The following NCMAP variants were observed in gnomAD, a reference collection of about 807,000 sequenced individuals.
NCMAP encodes the protein noncompact myelin-associated protein.
In NCMAP, 8 loss-of-function variants were observed where a neutral mutation model predicts 7.8. That is an observed-to-expected ratio of 1.02 (90% confidence interval 0.60 to 1.84). The LOEUF (loss-of-function observed/expected upper bound fraction) is 1.84. Ranked by LOEUF, NCMAP falls within the 40% of genes most tolerant of loss-of-function variation. NCMAP has a pLI of 0.00. For missense variants in NCMAP, 112 were observed against 131.4 expected, an observed-to-expected ratio of 0.85 and a Z score of 0.72; for synonymous variants, 41 against 52.9, an observed-to-expected ratio of 0.78 and a Z score of 0.98.
chr1:24,557,366 C>T (rs1258896950), intron 1 of NCMAP, among the ~76,000 whole-genome samples: 8 of 152,004 alleles, frequency 5.3e-5, no homozygotes, highest in Non-Finnish European at 1.2e-4. Flanking sequence ...ATAGGCACCC[C>T]CTCTTATGGT....
Position 24,576,662 on chromosome 1 carries a change from G to T in NCMAP, c.-7-18762G>T, listed in dbSNP as rs12081386. On this transcript the variant is annotated intron_variant, in intron 1 of 3. Transcript: ENST00000374392. This position sits in a 1 kb window ranked among gnomAD's most constrained non-coding sequence, Gnocchi z 4.0. ...GCAGTCCAGACAGAACAAGTGGCCT[G>T]CCCCAGGTCACACAGAAAGTAAGTA... is the stretch of plus-strand genomic sequence containing the variant. Among the ~76,000 whole-genome samples, 1,240 of 152,252 alleles carry T rather than the reference G, an allele frequency of 8.1e-3. 15 individuals carry two copies. Among genetic ancestry groups the T allele is most frequent in the African/African-American group, 0.028 (1,164 of 41,546 alleles).
chr1:24,592,173 G>A (rs2148934549), intron 1 of NCMAP, among the ~76,000 whole-genome samples: 1 of 152,360 alleles, frequency 6.6e-6, no homozygotes, highest in Non-Finnish European at 1.5e-5. Context: ...GGTGGTGTGA[G>A]TAGCTGAGAC....
At chr1:24,561,754 T>TA (rs1447512623) in intron 1 of NCMAP, among the ~76,000 whole-genome samples, 1 of 151,918 alleles carries the variant, frequency 6.6e-6, no homozygotes, top group Admixed American at 6.5e-5. Flanking sequence ...CTACTTAAAA[T>TA]AAAAAATTAG....
At chr1:24,578,580 T>TTTA (rs1651659223) in intron 1 of NCMAP, among the ~76,000 whole-genome samples, 1 of 122,126 alleles carries the variant, frequency 8.2e-6, no homozygotes, top group African/African-American at 3.4e-5. Flanking sequence ...TTTTTTTTTT[T>TTTA]GAGACGGTTT....
intron 1 of NCMAP, among the ~76,000 whole-genome samples, chr1:24,572,308 C>G (rs1651413997): frequency 6.6e-6 from 1 of 150,620 alleles, no homozygotes; most frequent in Non-Finnish European, 1.5e-5. Flanking sequence ...GCTCCGTATC[C>G]CCAAGAAGGA....
At chr1:24,591,052 A>G (rs9729036) in intron 1 of NCMAP, among the ~76,000 whole-genome samples, 77,823 of 152,090 alleles carry the variant, frequency 0.51, 21,580 homozygotes, top group African/African-American at 0.74. Flanking sequence ...AGACCCAGAC[A>G]CTTTATCTGA....
chr1:24,582,817 T>TCTA (rs1651781446), intron 1 of NCMAP, among the ~76,000 whole-genome samples: 1 of 152,174 alleles, frequency 6.6e-6, no homozygotes, highest in East Asian at 1.9e-4. Context: ...AACGTATAGA[T>TCTA]CCTAGCTTTG....
At chr1:24,568,245 C>A (rs778696205) in intron 1 of NCMAP, among the ~76,000 whole-genome samples, 3 of 152,202 alleles carry the variant, frequency 2.0e-5, no homozygotes, top group Admixed American at 2.0e-4. Flanking sequence ...GAGGCCCGCA[C>A]GGGGCACCTC....
intron 2 of NCMAP, among the ~76,000 whole-genome samples, chr1:24,596,597 G>T (rs1652237733): frequency 1.3e-5 from 2 of 151,752 alleles, no homozygotes; most frequent in South Asian, 4.2e-4. Context: ...GAGGCAGGAG[G>T]ATCGCTTGAG....
intron 1 of NCMAP, among the ~76,000 whole-genome samples, chr1:24,577,805 G>A (rs910019803): frequency 5.3e-5 from 8 of 152,036 alleles, no homozygotes; most frequent in African/African-American, 1.2e-4. Context: ...AGTGCCTTAC[G>A]ACAGCAGGGT....
intron 1 of NCMAP, among the ~76,000 whole-genome samples, chr1:24,556,953 G>A (rs944771906): frequency 6.6e-6 from 1 of 152,120 alleles, no homozygotes; most frequent in Non-Finnish European, 1.5e-5. Flanking sequence ...CAACAGTCTC[G>A]GGCAAGTCCA....
At chr1:24,582,950 G>T (rs1651784424) in intron 1 of NCMAP, among the ~76,000 whole-genome samples, 1 of 152,188 alleles carries the variant, frequency 6.6e-6, no homozygotes, top group South Asian at 2.1e-4. Flanking sequence ...ATGGTAACTG[G>T]CACGTAAAAG....
chr1:24,597,591 AAAG>A (rs1652279208), intron 2 of NCMAP, among the ~76,000 whole-genome samples: 2 of 120,678 alleles, frequency 1.7e-5, no homozygotes, highest in Non-Finnish European at 3.3e-5. Flanking sequence ...AAAAGAGAAG[AAAG>A]AAGAAAGAAA....
intron 1 of NCMAP, among the ~76,000 whole-genome samples, chr1:24,571,184 A>C (rs1385260613): frequency 4.0e-5 from 6 of 150,852 alleles, no homozygotes; most frequent in Non-Finnish European, 8.8e-5. Flanking sequence ...ACATTAAAAA[A>C]GTAAAAAGAA....
intron 1 of NCMAP, among the ~76,000 whole-genome samples, chr1:24,566,900 C>G (rs935728111): frequency 4.6e-5 from 7 of 152,252 alleles, no homozygotes; most frequent in African/African-American, 1.4e-4. Context: ...GCTTCTAGAT[C>G]CCCTCTTGGA....
intron 1 of NCMAP, among the ~76,000 whole-genome samples, chr1:24,557,168 A>G (rs1201045043): frequency 6.6e-6 from 1 of 152,194 alleles, no homozygotes; most frequent in Non-Finnish European, 1.5e-5. Context: ...CAGCACCAGC[A>G]CGGTGCCCAG....
At chr1:24,593,616 T>C (rs1652117800) in intron 1 of NCMAP, among the ~76,000 whole-genome samples, 1 of 152,192 alleles carries the variant, frequency 6.6e-6, no homozygotes, top group Non-Finnish European at 1.5e-5. Context: ...TTCTTACTTT[T>C]AAAAAGAAAA....
Position 24,560,069 on chromosome 1 carries a change from G to A in NCMAP, c.-8+3900G>A, listed in dbSNP as rs1336428702. ...CCAGCTACTCTGGAGGCTGAGGCAG[G>A]AGAATGGCGTGAACCCGGGAAGCGG... On this transcript the variant is annotated intron_variant, in intron 1 of 3. Transcript: ENST00000374392. 4.0e-5 allele frequency among the ~76,000 whole-genome samples: 6 copies of A among 150,570 alleles called. No homozygotes were observed. In the South Asian group the frequency reaches 1.0e-3, roughly 26 times the overall value.
At chr1:24,570,096 C>T (rs992410980) in intron 1 of NCMAP, among the ~76,000 whole-genome samples, 6 of 149,958 alleles carry the variant, frequency 4.0e-5, no homozygotes, top group Admixed American at 1.3e-4. Context: ...AGATGTGAGC[C>T]ACCACACCTG....
Sources: gnomAD v4.1 joint callset for allele counts (sites outside exome capture counted in the v4.1 genomes callset) on GRCh38, gnomAD v4.1.1 for gene constraint, Gnocchi (gnomAD v3.1) non-coding constraint, MANE v1.5 for transcripts, NCBI Gene and HGNC (gene_info 2026-07-23, HGNC 2026-07-21) for gene names.